NUDCD3: variants seen among roughly 807,000 people sequenced by gnomAD.
The protein encoded by NUDCD3 is nudC domain-containing protein 3.
Under a neutral mutation model 39.7 loss-of-function variants are expected in NUDCD3, and 13 were observed. That is an observed-to-expected ratio of 0.33 (90% CI 0.21 to 0.52). NUDCD3 has a LOEUF of 0.52. Among genes scored for constraint, NUDCD3 ranks in the 20% least tolerant of loss-of-function variants. The pLI is 0.96. For missense variants in NUDCD3, 453 were observed against 458.1 expected (o/e 0.99, Z 0.10); for synonymous variants, 175 against 172.4 (o/e 1.02, Z -0.12).
chr7:44,432,743 A>G (rs1799388712), intron 2 of NUDCD3, among the ~76,000 whole-genome samples: 1 of 152,184 alleles, frequency 6.6e-6, no homozygotes, highest in South Asian at 2.1e-4. Flanking sequence ...ACATTGCGCA[A>G]AAGCCACTAC....
intron 1 of NUDCD3, among the ~76,000 whole-genome samples, chr7:44,487,349 C>A (rs772222218): frequency 3.3e-5 from 5 of 152,204 alleles, no homozygotes; most frequent in Admixed American, 3.3e-4. Flanking sequence ...CCAGCACTCC[C>A]ATCCAAATTC....
chr7:44,430,447 C>G (rs189991700), intron 2 of NUDCD3, among the ~76,000 whole-genome samples: 1 of 152,250 alleles, frequency 6.6e-6, no homozygotes, highest in African/African-American at 2.4e-5. Context: ...AGGGTAGCAG[C>G]AGCTACCTTT....
At chr7:44,464,862 C>A (rs1800088985) in intron 2 of NUDCD3, among the ~76,000 whole-genome samples, 1 of 152,206 alleles carries the variant, frequency 6.6e-6, no homozygotes, top group African/African-American at 2.4e-5. Flanking sequence ...CCCAACAATA[C>A]TGGCATTTAG....
chr7:44,480,757 C>T (rs897264714), intron 2 of NUDCD3, among the ~76,000 whole-genome samples: 3 of 151,848 alleles, frequency 2.0e-5, no homozygotes, highest in African/African-American at 7.3e-5. Flanking sequence ...GCCTGGGCAA[C>T]ATGGTAAGAC....
intron 2 of NUDCD3, among the ~76,000 whole-genome samples, chr7:44,475,227 T>C (rs1800341084): frequency 6.6e-6 from 1 of 151,556 alleles, no homozygotes; most frequent in Non-Finnish European, 1.5e-5. Context: ...TTCTTCTGCC[T>C]CAGCTTCCCG....
intron 5 of NUDCD3, among the ~76,000 whole-genome samples, chr7:44,389,145 G>T (rs1187629162): frequency 1.3e-5 from 2 of 152,266 alleles, no homozygotes; most frequent in Admixed American, 1.3e-4. Flanking sequence ...GCATGAAGGG[G>T]GATGCCAGTT....
intron 4 of NUDCD3, among the ~76,000 whole-genome samples, chr7:44,403,249 G>A (rs1798756052): frequency 6.6e-6 from 1 of 152,248 alleles, no homozygotes; most frequent in South Asian, 2.1e-4. Context: ...GGGTGGCCAG[G>A]AGAGTCAGAA....
At chr7:44,483,549 C>G (rs1800539334) in intron 2 of NUDCD3, among the ~76,000 whole-genome samples, 1 of 152,216 alleles carries the variant, frequency 6.6e-6, no homozygotes, top group Non-Finnish European at 1.5e-5. Context: ...TTCACCCCTT[C>G]TCATCCAGAG....
intron 3 of NUDCD3, among the ~76,000 whole-genome samples, chr7:44,426,589 G>A (rs529925046): frequency 6.6e-6 from 1 of 152,256 alleles, no homozygotes; most frequent in South Asian, 2.1e-4. Flanking sequence ...GAGGTCAGGA[G>A]ATCGAGACCA....
intron 3 of NUDCD3, among the ~76,000 whole-genome samples, chr7:44,420,679 A>G (rs1799120447): frequency 6.6e-6 from 1 of 152,264 alleles, no homozygotes; most frequent in African/African-American, 2.4e-5. Context: ...GCCAGAAGAC[A>G]GTGAAGGCCA....
At chr7:44,488,356 A>T (rs1357525408) in intron 1 of NUDCD3, among the ~76,000 whole-genome samples, 1 of 148,602 alleles carries the variant, frequency 6.7e-6, no homozygotes, top group Non-Finnish European at 1.5e-5. Flanking sequence ...AAAAAAAAAA[A>T]AGAAAGAAAA....
chr7:44,439,665 T>C (rs910853717), intron 2 of NUDCD3, among the ~76,000 whole-genome samples: 1 of 149,002 alleles, frequency 6.7e-6, no homozygotes, highest in African/African-American at 2.5e-5. Context: ...GAAGCCACAA[T>C]GGCCAGAGCT....
At chr7:44,416,953 C>T (rs1003720109) in intron 3 of NUDCD3, among the ~76,000 whole-genome samples, 1 of 152,180 alleles carries the variant, frequency 6.6e-6, no homozygotes, top group Non-Finnish European at 1.5e-5. Flanking sequence ...CTCACTATTT[C>T]AAGACACAGA....
chr7:44,426,004 T>C (rs1049925518), intron 3 of NUDCD3: 2 of 373,356 alleles, frequency 5.4e-6, no homozygotes, highest in African/African-American at 2.2e-5. Flanking sequence ...GCGCAATCGG[T>C]TAGCATGCGG....
intron 2 of NUDCD3, among the ~76,000 whole-genome samples, chr7:44,474,849 G>C (rs1800330316): frequency 6.6e-6 from 1 of 152,180 alleles, no homozygotes; most frequent in Non-Finnish European, 1.5e-5. Context: ...TCTTAAAGAA[G>C]GTGCAGTTTC....
At chr7:44,389,783 G>A (rs1320327267) in intron 5 of NUDCD3, among the ~76,000 whole-genome samples, 4 of 152,054 alleles carry the variant, frequency 2.6e-5, no homozygotes, top group African/African-American at 9.7e-5. Flanking sequence ...GAAAGAGACT[G>A]AGAGGAAGGT....
intron 2 of NUDCD3, among the ~76,000 whole-genome samples, chr7:44,458,447 G>A (rs568646478): frequency 1.3e-5 from 2 of 152,226 alleles, no homozygotes; most frequent in Admixed American, 1.3e-4. Context: ...ATCACCTGAG[G>A]TCAGAAGTTT....
chr7:44,433,466 TG>T (rs1218864776), intron 2 of NUDCD3, among the ~76,000 whole-genome samples: 1 of 152,020 alleles, frequency 6.6e-6, no homozygotes, highest in Non-Finnish European at 1.5e-5. Context: ...GGTGTATGTG[TG>T]TGGTGCACAT....
At chr7:44,398,171 C>A (rs999288127) in intron 4 of NUDCD3, among the ~76,000 whole-genome samples, 6 of 152,204 alleles carry the variant, frequency 3.9e-5, no homozygotes, top group Admixed American at 2.0e-4. Flanking sequence ...ATCTGTCCCA[C>A]GAAGGCTGGG....
Sources: allele counts gnomAD v4.1 joint callset (sites outside exome capture counted in the v4.1 genomes callset), GRCh38; gene constraint gnomAD v4.1.1; transcripts MANE v1.5; gene names NCBI Gene and HGNC (gene_info 2026-07-23, HGNC 2026-07-21).